GMDS: variants seen among roughly 807,000 people sequenced by gnomAD.
GMDS encodes the protein GDP-mannose 4,6 dehydratase.
A neutral mutation model predicts 49.9 loss-of-function variants in GMDS; 20 were observed. The observed-to-expected ratio is 0.40, with a 90% CI of 0.28 to 0.58. The LOEUF is 0.58. Among genes scored for constraint, GMDS ranks in the 20% least tolerant of loss-of-function variants. GMDS has a pLI of 0.42. For missense variants in GMDS, 362 were observed against 481.4 expected (o/e 0.75, Z 2.32); for synonymous variants, 177 against 178.6 (o/e 0.99, Z 0.07).
At chr6:1,773,725 G>C (rs1768677949) in intron 7 of GMDS, among the ~76,000 whole-genome samples, 1 of 152,210 alleles carries the variant, frequency 6.6e-6, no homozygotes, top group Non-Finnish European at 1.5e-5. Flanking sequence ...GGATTTGCAA[G>C]GAAGAAACTA....
At chr6:1,644,320 A>G (rs1763424133) in intron 9 of GMDS, among the ~76,000 whole-genome samples, 1 of 152,168 alleles carries the variant, frequency 6.6e-6, no homozygotes, top group Non-Finnish European at 1.5e-5. Context: ...TGCCACCTGG[A>G]AGCCCTCTGC....
At chr6:2,202,388 A>C in intron 1 of GMDS, among the ~76,000 whole-genome samples, 1 of 149,722 alleles carries the variant, frequency 6.7e-6, no homozygotes, top group Admixed American at 6.6e-5. Context: ...TCCTCACTGC[A>C]CAGTCGAGTA....
At chr6:1,914,145 T>TG (rs1443529192) in intron 7 of GMDS, among the ~76,000 whole-genome samples, 20 of 147,660 alleles carry the variant, frequency 1.4e-4, no homozygotes, top group Admixed American at 9.4e-4. Flanking sequence ...TTTTTTTTTT[T>TG]TTTTTTTTTT....
chr6:1,817,639 C>T (rs776254289), intron 7 of GMDS, among the ~76,000 whole-genome samples: 1 of 152,174 alleles, frequency 6.6e-6, no homozygotes, highest in Non-Finnish European at 1.5e-5. Context: ...TCTCAGTAGA[C>T]CATTTACTCT....
intron 4 of GMDS, among the ~76,000 whole-genome samples, chr6:2,044,181 C>T (rs1769854689): frequency 6.6e-6 from 1 of 152,160 alleles, no homozygotes; most frequent in Non-Finnish European, 1.5e-5. Context: ...AAAAACAGAA[C>T]TAACATTCAA....
chr6:1,884,751 A>T (rs1265271926), intron 7 of GMDS, among the ~76,000 whole-genome samples: 1 of 152,228 alleles, frequency 6.6e-6, no homozygotes, highest in African/African-American at 2.4e-5. Context: ...AAAAGGAGTT[A>T]AATTATGAGC....
chr6:1,989,362 G>C (rs1434200247), intron 4 of GMDS, among the ~76,000 whole-genome samples: 1 of 152,100 alleles, frequency 6.6e-6, no homozygotes, highest in African/African-American at 2.4e-5. Flanking sequence ...GAACAGCTAG[G>C]CTGGTATGTG....
chr6:2,060,442 C>CTCCT (rs2127446818), intron 4 of GMDS, among the ~76,000 whole-genome samples: 1 of 152,188 alleles, frequency 6.6e-6, no homozygotes, highest in East Asian at 1.9e-4. Context: ...CACAGAAAAT[C>CTCCT]TCCTTCCATT....
At chr6:2,129,590 C>G (rs578243207) in intron 1 of GMDS, among the ~76,000 whole-genome samples, 1 of 152,146 alleles carries the variant, frequency 6.6e-6, no homozygotes, top group Non-Finnish European at 1.5e-5. Flanking sequence ...AATAGAATAA[C>G]CCCTTCTGCA....
chr6:2,213,682 G>A (rs1272106600), intron 1 of GMDS, among the ~76,000 whole-genome samples: 1 of 152,126 alleles, frequency 6.6e-6, no homozygotes, highest in Admixed American at 6.5e-5. Flanking sequence ...CACATAAGGA[G>A]AATACCAATC....
At chr6:2,142,883 T>G (rs1776373825) in intron 1 of GMDS, among the ~76,000 whole-genome samples, 1 of 152,120 alleles carries the variant, frequency 6.6e-6, no homozygotes, top group Non-Finnish European at 1.5e-5. Context: ...CATCCATCGC[T>G]CCTGAGCTTG....
chr6:2,192,543 A>G (rs537620872), intron 1 of GMDS, among the ~76,000 whole-genome samples: 8 of 152,348 alleles, frequency 5.3e-5, no homozygotes, highest in African/African-American at 1.9e-4. Flanking sequence ...TCCCCAAGCC[A>G]GGGCTGTGAC....
intron 7 of GMDS, among the ~76,000 whole-genome samples, chr6:1,863,491 C>T (rs1312926190): frequency 2.6e-5 from 4 of 151,922 alleles, no homozygotes; most frequent in African/African-American, 7.3e-5. Context: ...TGTGTGTGTG[C>T]GTGCATGTGT....
Position 1,957,471 on chromosome 6 carries a change from A to G in GMDS, c.643+2396T>C, listed in dbSNP as rs544531025. 4.6e-5 allele frequency among the ~76,000 whole-genome samples: 7 copies of G among 152,350 alleles called. No individual in the cohort carries two copies. In the Middle Eastern group the frequency reaches 0.014, roughly 296 times the overall value. Reference sequence around the variant, plus strand: ...GTAGGCATTACATATCAAAGTATTAATATCATTTTCACGTACATCTCTTTT... The same window carrying G: ...GTAGGCATTACATATCAAAGTATTAGTATCATTTTCACGTACATCTCTTTT... On this transcript the variant is annotated intron_variant, in intron 6 of 10. Transcript: ENST00000380815.
chr6:2,040,258 G>A (rs1769590983), intron 4 of GMDS, among the ~76,000 whole-genome samples: 1 of 152,182 alleles, frequency 6.6e-6, no homozygotes, highest in Non-Finnish European at 1.5e-5. Flanking sequence ...TTAAAGTAGG[G>A]GCTCAATGCA....
chr6:1,997,363 C>G (rs1766352321), intron 4 of GMDS, among the ~76,000 whole-genome samples: 1 of 151,864 alleles, frequency 6.6e-6, no homozygotes, highest in African/African-American at 2.4e-5. Context: ...CAAAAATTAG[C>G]CAGGCGTGGT....
At chr6:2,155,403 A>G (rs997743233) in intron 1 of GMDS, among the ~76,000 whole-genome samples, 4 of 152,204 alleles carry the variant, frequency 2.6e-5, no homozygotes, top group Non-Finnish European at 5.9e-5. Flanking sequence ...ACGGCATGAC[A>G]TAAAAGGTAA....
chr6:1,852,180 G>A (rs1757707362), intron 7 of GMDS, among the ~76,000 whole-genome samples: 1 of 152,206 alleles, frequency 6.6e-6, no homozygotes, highest in East Asian at 1.9e-4. Context: ...CCATGTGTTG[G>A]TGCAGTAGCA....
At chr6:2,147,950 G>T (rs1281889867) in intron 1 of GMDS, among the ~76,000 whole-genome samples, 1 of 151,246 alleles carries the variant, frequency 6.6e-6, no homozygotes, top group Non-Finnish European at 1.5e-5. Context: ...TTTATATATT[G>T]ACTCACATTT....
Sources: allele counts gnomAD v4.1 joint callset (sites outside exome capture counted in the v4.1 genomes callset), GRCh38; gene constraint gnomAD v4.1.1; transcripts MANE v1.5; gene names NCBI Gene and HGNC (gene_info 2026-07-23, HGNC 2026-07-21).